The following SCHIP1 variants were observed in gnomAD, a reference collection of about 807,000 sequenced individuals.
SCHIP1 encodes schwannomin interacting protein 1, also known as schwannomin-interacting protein 1.
Under a neutral mutation model 29.7 loss-of-function variants are expected in SCHIP1, and 8 were observed. That is an observed-to-expected ratio of 0.27 (90% CI 0.16 to 0.49). SCHIP1 has a LOEUF of 0.49. Ranked by LOEUF, SCHIP1 falls within the 20% of genes least tolerant of loss-of-function variation. The pLI is 0.99. For synonymous variants in SCHIP1, 76 were observed against 94.9 expected (o/e 0.80, Z 1.16); for missense variants, 193 against 294.6 (o/e 0.66, Z 2.52).
the SCHIP1 span, among the ~76,000 whole-genome samples, chr3:159,427,451 T>A: frequency 6.6e-6 from 1 of 151,538 alleles, no homozygotes; most frequent in African/African-American, 2.4e-5. Flanking sequence ...TCACAATTGC[T>A]TCAAAGAGAA....
chr3:159,397,149 C>T, the SCHIP1 span, among the ~76,000 whole-genome samples: 552 of 151,666 alleles, frequency 3.6e-3, 2 homozygotes, highest in African/African-American at 0.012. Context: ...ACGTAGTTCT[C>T]GAGCCTTGGT....
At chr3:159,525,825 G>A in the SCHIP1 span, among the ~76,000 whole-genome samples, 1 of 152,226 alleles carries the variant, frequency 6.6e-6, no homozygotes, top group Non-Finnish European at 1.5e-5. Flanking sequence ...GGACAGGCTA[G>A]TGAGTTGACT....
At chr3:159,581,197 C>T in the SCHIP1 span, among the ~76,000 whole-genome samples, 198 of 152,204 alleles carry the variant, frequency 1.3e-3, no homozygotes, top group African/African-American at 4.6e-3. Context: ...AAATCCTAGG[C>T]ATTATATATA....
At chr3:159,527,358 A>G in the SCHIP1 span, among the ~76,000 whole-genome samples, 4 of 152,222 alleles carry the variant, frequency 2.6e-5, 1 homozygote, top group Admixed American at 2.6e-4. Flanking sequence ...ATGTGTAGTT[A>G]TTCCCTTCCC....
At chr3:159,618,511 C>A in the SCHIP1 span, among the ~76,000 whole-genome samples, 1 of 152,134 alleles carries the variant, frequency 6.6e-6, no homozygotes, top group Admixed American at 6.5e-5. Flanking sequence ...TCCTTGGAAA[C>A]CCTGAAAATC....
chr3:159,405,836 T>C, the SCHIP1 span, among the ~76,000 whole-genome samples: 4 of 149,214 alleles, frequency 2.7e-5, no homozygotes, highest in Non-Finnish European at 3.0e-5. Flanking sequence ...TGAGCTGAGA[T>C]TGCACCACTG....
At chr3:159,560,639 T>C in the SCHIP1 span, among the ~76,000 whole-genome samples, 1 of 152,182 alleles carries the variant, frequency 6.6e-6, no homozygotes, top group Non-Finnish European at 1.5e-5. Context: ...TTCCCATCAT[T>C]GGACTTGCCA....
At chr3:159,650,269 A>G in the SCHIP1 span, among the ~76,000 whole-genome samples, 1 of 152,320 alleles carries the variant, frequency 6.6e-6, no homozygotes, top group East Asian at 1.9e-4. Context: ...TAATGAAAAA[A>G]GGGAAAATTC....
At chr3:159,388,487 C>T in the SCHIP1 span, among the ~76,000 whole-genome samples, 1 of 151,996 alleles carries the variant, frequency 6.6e-6, no homozygotes, top group Non-Finnish European at 1.5e-5. Context: ...TTTAAAATGT[C>T]AATTTTCCTT....
intron 2 of SCHIP1, among the ~76,000 whole-genome samples, chr3:159,867,870 T>C (rs900058402): frequency 6.6e-6 from 1 of 151,814 alleles, no homozygotes; most frequent in Non-Finnish European, 1.5e-5. Context: ...CTCTCTAATA[T>C]TTCCCAGAGT....
the SCHIP1 span, chr3:159,274,172 T>C: frequency 1.0e-6 from 1 of 985,322 alleles, no homozygotes; most frequent in Non-Finnish European, 1.2e-6. Context: ...CAGTGGACTT[T>C]GGAAATAGCA....
the SCHIP1 span, among the ~76,000 whole-genome samples, chr3:159,704,864 TTTTCTTTCTTTC>T: frequency 0.039 from 5,182 of 133,244 alleles, 159 homozygotes; most frequent in Non-Finnish European, 0.044. Flanking sequence ...TTCCTTCCTT[TTTTCTTTCTTTC>T]TTTCTTTCTT....
the SCHIP1 span, among the ~76,000 whole-genome samples, chr3:159,330,470 T>C: frequency 1.2e-4 from 19 of 152,232 alleles, no homozygotes; most frequent in African/African-American, 3.9e-4. Context: ...TTGGTGCAGT[T>C]GAGGTATCCT....
chr3:159,722,085 C>T, the SCHIP1 span: 8 of 359,374 alleles, frequency 2.2e-5, no homozygotes, highest in Admixed American at 2.2e-4. Context: ...AAACAATGTC[C>T]CCAGTGTCTT....
the SCHIP1 span, among the ~76,000 whole-genome samples, chr3:159,770,931 A>C: frequency 6.6e-6 from 1 of 152,214 alleles, no homozygotes. Context: ...GACTCAACAC[A>C]TTTTAAGTGC....
the SCHIP1 span, among the ~76,000 whole-genome samples, chr3:159,452,144 T>G: frequency 0.28 from 42,705 of 151,660 alleles, 8,099 homozygotes; most frequent in African/African-American, 0.54. Context: ...CTTCTTTTTT[T>G]TTTTTTTTTT....
At chr3:159,497,130 G>C in the SCHIP1 span, among the ~76,000 whole-genome samples, 1 of 151,988 alleles carries the variant, frequency 6.6e-6, no homozygotes, top group Non-Finnish European at 1.5e-5. Flanking sequence ...GATAGCATTA[G>C]GAGATATATC....
the SCHIP1 span, among the ~76,000 whole-genome samples, chr3:159,776,065 G>T: frequency 1.6e-4 from 25 of 152,274 alleles, no homozygotes; most frequent in African/African-American, 5.3e-4. Flanking sequence ...AATAAAAGGA[G>T]TCTGAACCTC....
chr3:159,314,420 G>A, the SCHIP1 span, among the ~76,000 whole-genome samples: 3 of 152,084 alleles, frequency 2.0e-5, no homozygotes, highest in East Asian at 1.9e-4. Context: ...TCATCATCCC[G>A]TTTCTTCTGC....
Sources: gnomAD v4.1 joint callset for allele counts (sites outside exome capture counted in the v4.1 genomes callset) on GRCh38, gnomAD v4.1.1 for gene constraint, MANE v1.5 for transcripts, NCBI Gene and HGNC (gene_info 2026-07-23, HGNC 2026-07-21) for gene names.